Variants in TAOK1 observed in about 807,000 individuals in gnomAD.
TAOK1 encodes TAO kinase 1, also known as serine/threonine-protein kinase TAO1.
TAOK1 carries 21 observed loss-of-function variants against 138.3 expected under a neutral mutation model. The ratio of observed to expected loss-of-function variants is 0.15; its 90% confidence interval spans 0.11 to 0.22. The LOEUF (loss-of-function observed/expected upper bound fraction) is 0.22, where lower values mean the gene tolerates loss of function less well. Ranked by LOEUF, TAOK1 falls within the 10% of genes least tolerant of loss-of-function variation. The pLI is 1.00. For missense variants in TAOK1, 651 were observed against 1,227.7 expected (o/e 0.53, Z 7.02); for synonymous variants, 361 against 398.4 (o/e 0.91, Z 1.12).
At chr17:29,467,454 T>C (rs2030698498) in intron 3 of TAOK1, among the ~76,000 whole-genome samples, 1 of 152,120 alleles carries the variant, frequency 6.6e-6, no homozygotes, top group South Asian at 2.1e-4. Flanking sequence ...TTTGTATTTT[T>C]AGTAGAGATG....
intron 1 of TAOK1, among the ~76,000 whole-genome samples, chr17:29,441,569 A>G (rs562322619): frequency 6.6e-6 from 1 of 152,238 alleles, no homozygotes; most frequent in South Asian, 2.1e-4. Context: ...TGTTCATATT[A>G]TTCTCATATC....
chr17:29,476,139 A>G (rs1395312193), intron 4 of TAOK1, among the ~76,000 whole-genome samples: 1 of 152,240 alleles, frequency 6.6e-6, no homozygotes, highest in African/African-American at 2.4e-5. Flanking sequence ...AAAGATCATG[A>G]TGAAATTTGG....
chr17:29,501,101 T>C (rs1035354658), intron 12 of TAOK1, among the ~76,000 whole-genome samples: 21 of 151,292 alleles, frequency 1.4e-4, no homozygotes, highest in Non-Finnish European at 7.4e-5. Flanking sequence ...ATGGTTAAAA[T>C]GGGCTGGGCA....
chr17:29,397,605 C>CT (rs1567706615), intron 1 of TAOK1, among the ~76,000 whole-genome samples: 2 of 48,396 alleles, frequency 4.1e-5, no homozygotes, highest in Non-Finnish European at 6.4e-5. Flanking sequence ...TCCGTCCCCC[C>CT]CCAAAAAAAT....
intron 10 of TAOK1, among the ~76,000 whole-genome samples, chr17:29,492,881 C>T (rs2031328731): frequency 6.6e-6 from 1 of 152,234 alleles, no homozygotes. Flanking sequence ...TGGCCCACGC[C>T]TGTAACCCCA....
chr17:29,496,676 C>T (rs1430223679), intron 11 of TAOK1, among the ~76,000 whole-genome samples: 1 of 150,562 alleles, frequency 6.6e-6, no homozygotes, highest in Non-Finnish European at 1.5e-5. Flanking sequence ...CAATCTCCAC[C>T]TCCCGGGTTC....
chr17:29,438,325 T>C (rs1254069052), intron 1 of TAOK1, among the ~76,000 whole-genome samples: 3 of 152,212 alleles, frequency 2.0e-5, no homozygotes, highest in Non-Finnish European at 4.4e-5. Context: ...ATTAGAATTA[T>C]GTGAGCATCA....
chr17:29,504,253 G>A (rs1398661341), intron 13 of TAOK1, among the ~76,000 whole-genome samples: 3 of 136,132 alleles, frequency 2.2e-5, no homozygotes, highest in African/African-American at 8.1e-5. Context: ...CTCCAGCCTG[G>A]GTGACAGTGC....
intron 1 of TAOK1, among the ~76,000 whole-genome samples, chr17:29,413,456 C>T (rs1256242225): frequency 2.0e-5 from 3 of 151,956 alleles, no homozygotes; most frequent in Admixed American, 6.6e-5. Context: ...ATTAGCTGGG[C>T]ATGGTGGCAT....
chr17:29,392,115 C>G (rs1316055564), intron 1 of TAOK1, among the ~76,000 whole-genome samples: 1 of 152,066 alleles, frequency 6.6e-6, no homozygotes, highest in Non-Finnish European at 1.5e-5. Context: ...ACTCGGGAGG[C>G]TGAGGGAGGA....
intron 1 of TAOK1, chr17:29,404,030 A>G (rs1598465749): frequency 6.6e-6 from 1 of 152,226 alleles, no homozygotes; most frequent in Admixed American, 6.6e-5. Context: ...GTCTAGTTCT[A>G]TAAAATAATG....
At chr17:29,472,573 CTTTTTTT>C (rs34588170) in intron 3 of TAOK1, among the ~76,000 whole-genome samples, 3 of 111,748 alleles carry the variant, frequency 2.7e-5, no homozygotes, top group African/African-American at 3.7e-5. Flanking sequence ...TTCTTTCTTT[CTTTTTTT>C]TTTTTTTTTT....
chr17:29,410,417 A>AT (rs1295741823), intron 1 of TAOK1, among the ~76,000 whole-genome samples: 3 of 151,310 alleles, frequency 2.0e-5, no homozygotes, highest in Non-Finnish European at 4.4e-5. Context: ...CGCCTGGCTA[A>AT]TTTTTTTGTA....
chr17:29,479,607 A>G (rs925118595), intron 6 of TAOK1, among the ~76,000 whole-genome samples: 1 of 152,202 alleles, frequency 6.6e-6, no homozygotes, highest in Admixed American at 6.5e-5. Flanking sequence ...AAAAAATCAA[A>G]TGGAGGAAAA....
At chr17:29,453,528 G>A (rs2030295932) in intron 2 of TAOK1, among the ~76,000 whole-genome samples, 1 of 151,968 alleles carries the variant, frequency 6.6e-6, no homozygotes, top group South Asian at 2.1e-4. Context: ...TGGGATTACA[G>A]GTGTGAGCCA....
chr17:29,470,536 A>G (rs950571469), intron 3 of TAOK1, among the ~76,000 whole-genome samples: 1 of 93,802 alleles, frequency 1.1e-5, no homozygotes, highest in Non-Finnish European at 2.0e-5. Flanking sequence ...ATAAAACTGT[A>G]TTAAAAAAAA....
chr17:29,480,988 GA>G (rs1222537942), intron 7 of TAOK1, among the ~76,000 whole-genome samples: 3 of 151,800 alleles, frequency 2.0e-5, no homozygotes, highest in African/African-American at 7.3e-5. Flanking sequence ...ATAATTGTGT[GA>G]TTGAGTTGCA....
Position 29,547,006 on chromosome 17 carries a change from G to A in TAOK1, c.*3984G>A, listed in dbSNP as rs186252778. 1.9e-4 allele frequency: 29 copies of A among 152,226 alleles called. No individual in the cohort carries two copies. The highest frequency in any genetic ancestry group is 6.5e-4 in the African/African-American group (27 of 41,552). The allele number at this position is 152,226 out of a possible 1,614,324, so 9.4% of individuals were successfully genotyped here. ...GTTGCAATGCAGTAAAATGGTGCTG[G>A]GGAAGGAGCCAGTTAGTGTTTCTGT... On this transcript the variant is annotated 3_prime_UTR_variant, in exon 20 of 20. Transcript: ENST00000261716.
At chr17:29,413,681 T>G (rs1003657487) in intron 1 of TAOK1, among the ~76,000 whole-genome samples, 3 of 152,128 alleles carry the variant, frequency 2.0e-5, no homozygotes, top group African/African-American at 7.2e-5. Flanking sequence ...GTATAGCTAC[T>G]GTATGTATGT....
Sources: allele counts gnomAD v4.1 joint callset (sites outside exome capture counted in the v4.1 genomes callset), GRCh38; gene constraint gnomAD v4.1.1; transcripts MANE v1.5; gene names NCBI Gene and HGNC (gene_info 2026-07-23, HGNC 2026-07-21).